NBDY: variants seen among roughly 807,000 people sequenced by gnomAD.
NBDY encodes the protein P-body dissociating protein.
At chrX:56,807,726 G>A (rs1404305949) in intron 2 of NBDY, among the ~76,000 whole-genome samples, 1 of 111,822 alleles carries the variant, frequency 8.9e-6, no homozygotes, top group East Asian at 2.8e-4. Context: ...CTGAGACGAT[G>A]GGGTTTTCTA....
intron 1 of NBDY, 119 bp downstream of exon 1, chrX:56,729,708 G>T (rs753105228): frequency 3.2e-4 from 92 of 285,116 alleles, no homozygotes; most frequent in Non-Finnish European, 5.4e-4. Flanking sequence ...AAAATAACAT[G>T]CAGGGATTAA....
chrX:56,791,901 G>C (rs186804395), intron 2 of NBDY, among the ~76,000 whole-genome samples: 40 of 105,395 alleles, frequency 3.8e-4, no homozygotes, highest in African/African-American at 1.2e-3. Context: ...TGTTGTTGTT[G>C]TTCTTCTTCT....
At chrX:56,811,609 C>T (rs781082135) in intron 2 of NBDY, among the ~76,000 whole-genome samples, 14 of 111,921 alleles carry the variant, frequency 1.3e-4, no homozygotes, top group African/African-American at 4.5e-4. Context: ...ACTCCCCCCA[C>T]CAAGCTCCAG....
chrX:56,782,177 G>T (rs774650973), intron 2 of NBDY, among the ~76,000 whole-genome samples: 6 of 111,195 alleles, frequency 5.4e-5, no homozygotes, highest in Non-Finnish European at 1.1e-4. Flanking sequence ...CTTCAGGACA[G>T]CTACAGTGGC....
At chrX:56,816,550 G>A (rs1193866121) in intron 2 of NBDY, among the ~76,000 whole-genome samples, 5 of 110,846 alleles carry the variant, frequency 4.5e-5, no homozygotes, top group African/African-American at 9.8e-5. Context: ...ACTGTAACAC[G>A]ATGCAATATT....
intron 2 of NBDY, among the ~76,000 whole-genome samples, chrX:56,750,853 A>C (rs1484741312): frequency 9.0e-6 from 1 of 111,580 alleles, no homozygotes; most frequent in South Asian, 3.8e-4. Flanking sequence ...CTGAATGACA[A>C]TAATAGTTTT....
At chrX:56,809,585 T>C (rs186962918) in intron 2 of NBDY, among the ~76,000 whole-genome samples, 1 of 112,079 alleles carries the variant, frequency 8.9e-6, no homozygotes, top group East Asian at 2.8e-4. Context: ...AACCCCTGCT[T>C]TTTTTGGCTT....
chrX:56,786,553 CTCT>C (rs1476748336), intron 2 of NBDY, among the ~76,000 whole-genome samples: 4 of 110,202 alleles, frequency 3.6e-5, no homozygotes, highest in Non-Finnish European at 7.6e-5. Flanking sequence ...TTCCAACATC[CTCT>C]TCTTCTCCTT....
At chrX:56,804,511 G>A (rs149747543) in intron 2 of NBDY, among the ~76,000 whole-genome samples, 335 of 112,189 alleles carry the variant, frequency 3.0e-3, no homozygotes, top group African/African-American at 0.01. Context: ...TTAATTCCCC[G>A]GGCATCTTAG....
chrX:56,736,379 C>G (rs925926145), intron 2 of NBDY, among the ~76,000 whole-genome samples: 3 of 111,990 alleles, frequency 2.7e-5, no homozygotes, highest in African/African-American at 9.7e-5. Flanking sequence ...ATTCTCCTGC[C>G]GCAGCCTCCC....
rs754437216 is a variant in NBDY, at chrX:56,756,224, T to C, written c.*166+24025T>C. ...AGTTAATGGGTGCAGCACACCAGCATGGCACATGTATACATATGTAACTAA... is the reference window on the plus strand; with the variant it reads ...AGTTAATGGGTGCAGCACACCAGCACGGCACATGTATACATATGTAACTAA... On this transcript the variant is annotated intron_variant, in intron 2 of 2. Coordinates refer to ENST00000374922, the MANE Select transcript of NBDY (RefSeq NM_001348129.2). Among the ~76,000 whole-genome samples the C allele has an allele frequency of 1.3e-4, 14 of 108,113 alleles. 1 individual carries two copies. The South Asian group carries it at 3.7e-3, about 29-fold the overall frequency. 93.9% of individuals were successfully genotyped at this position (108,113 alleles called of 115,157 possible).
At chrX:56,767,044 A>C (rs2069669520) in intron 2 of NBDY, among the ~76,000 whole-genome samples, 1 of 113,228 alleles carries the variant, frequency 8.8e-6, no homozygotes, top group African/African-American at 3.2e-5. Context: ...CTGCAACTCC[A>C]GGCTTTGGGA....
intron 2 of NBDY, among the ~76,000 whole-genome samples, chrX:56,801,350 A>C (rs866737031): frequency 1.0e-4 from 9 of 88,705 alleles, no homozygotes; most frequent in East Asian, 6.9e-4. Flanking sequence ...TTTTTCTTCT[A>C]CTCCTTCTCC....
chrX:56,764,637 G>T (rs2069655993), intron 2 of NBDY, among the ~76,000 whole-genome samples: 1 of 99,832 alleles, frequency 1.0e-5, no homozygotes, highest in South Asian at 4.8e-4. Flanking sequence ...CAGCAGTCTT[G>T]TCTTTCCCTT....
At chrX:56,742,648 G>A (rs1368425485) in intron 2 of NBDY, among the ~76,000 whole-genome samples, 1 of 111,513 alleles carries the variant, frequency 9.0e-6, no homozygotes, top group African/African-American at 3.3e-5. Context: ...GTTGGCATGT[G>A]GAAATGCTAC....
At chrX:56,799,875 CCT>C (rs1486878542) in intron 2 of NBDY, among the ~76,000 whole-genome samples, 4 of 112,233 alleles carry the variant, frequency 3.6e-5, no homozygotes, top group Non-Finnish European at 7.5e-5. Context: ...GTGATGTCTG[CCT>C]CTCCTACCCT....
At chrX:56,759,238 C>T (rs1269337365) in intron 2 of NBDY, among the ~76,000 whole-genome samples, 1 of 112,021 alleles carries the variant, frequency 8.9e-6, no homozygotes. Flanking sequence ...TGGGTGGCTC[C>T]CACTTTCTCC....
intron 2 of NBDY, among the ~76,000 whole-genome samples, chrX:56,788,698 A>C (rs887059280): frequency 3.6e-5 from 4 of 111,191 alleles, no homozygotes; most frequent in Non-Finnish European, 7.6e-5. Context: ...GTAACTGCCC[A>C]CAGAAGAAAC....
intron 2 of NBDY, among the ~76,000 whole-genome samples, chrX:56,765,299 G>A (rs756026093): frequency 2.2e-4 from 25 of 111,935 alleles, no homozygotes; most frequent in African/African-American, 7.5e-4. Flanking sequence ...ATTCCTCCCC[G>A]TTTTTCATCT....
Sources: gnomAD v4.1 joint callset for allele counts (sites outside exome capture counted in the v4.1 genomes callset) on GRCh38, gnomAD v4.1.1 for gene constraint, MANE v1.5 for transcripts, NCBI Gene and HGNC (gene_info 2026-07-23, HGNC 2026-07-21) for gene names.